Variants in LYPD6B observed in about 807,000 individuals in gnomAD.
The protein encoded by LYPD6B is ly6/PLAUR domain-containing protein 6B.
A neutral mutation model predicts 22.8 loss-of-function variants in LYPD6B; 17 were observed. The observed-to-expected ratio is 0.75, with a 90% confidence interval of 0.51 to 1.12. LYPD6B has a LOEUF of 1.12. Ranked by LOEUF, LYPD6B falls within the 50% of genes most tolerant of loss-of-function variation. The pLI is 0.00. For synonymous variants in LYPD6B, 106 were observed against 91.6 expected (o/e 1.16, Z -0.90); for missense variants, 221 against 258.3 (o/e 0.86, Z 0.99).
At chr2:149,160,667 C>T in intron 2 of LYPD6B, 97 bp from the exon 3 acceptor site, 2 of 853,836 alleles carry the variant, frequency 2.3e-6, no homozygotes, top group Non-Finnish European at 1.9e-6. Flanking sequence ...TCCAAACATC[C>T]AGAAACCTGC....
intron 3 of LYPD6B, among the ~76,000 whole-genome samples, chr2:149,172,967 C>A (rs982531757): frequency 7.0e-6 from 1 of 142,554 alleles, no homozygotes; most frequent in Non-Finnish European, 1.5e-5. Context: ...TAAGCCAATA[C>A]CTTTTAATAA....
intron 5 of LYPD6B, among the ~76,000 whole-genome samples, chr2:149,210,411 A>G (rs1693774442): frequency 6.6e-6 from 1 of 152,172 alleles, no homozygotes; most frequent in Non-Finnish European, 1.5e-5. Context: ...CCAGCATGGC[A>G]TGATAGGACA....
chr2:149,129,594 C>T (rs2105684999), intron 1 of LYPD6B, among the ~76,000 whole-genome samples: 1 of 152,320 alleles, frequency 6.6e-6, no homozygotes, highest in Non-Finnish European at 1.5e-5. Context: ...GGAATGCAGC[C>T]TCAGTTGTGT....
intron 1 of LYPD6B, among the ~76,000 whole-genome samples, chr2:149,105,194 A>G (rs1204185232): frequency 6.6e-6 from 1 of 152,096 alleles, no homozygotes; most frequent in Admixed American, 6.6e-5. Context: ...TCTTGACCCT[A>G]TTCTGTTCCA....
chr2:149,133,928 T>C (rs901650876), intron 2 of LYPD6B, among the ~76,000 whole-genome samples: 3 of 152,064 alleles, frequency 2.0e-5, no homozygotes, highest in Non-Finnish European at 2.9e-5. Flanking sequence ...ATATGTTATA[T>C]TGAGGGGAGA....
At chr2:149,159,589 C>CATGT (rs1035479647) in intron 2 of LYPD6B, among the ~76,000 whole-genome samples, 1 of 145,798 alleles carries the variant, frequency 6.9e-6, no homozygotes, top group Non-Finnish European at 1.5e-5. Context: ...CATATGTGTG[C>CATGT]GTGTGTGTGT....
chr2:149,080,920 GT>G (rs1042432529), intron 1 of LYPD6B, among the ~76,000 whole-genome samples: 2 of 147,262 alleles, frequency 1.4e-5, no homozygotes, highest in Non-Finnish European at 3.0e-5. Flanking sequence ...ACACAGATTT[GT>G]TGTCTGACTG....
At chr2:149,213,167 T>C in intron 6 of LYPD6B, 45 bp downstream of exon 6, 1 of 1,607,054 alleles carries the variant, frequency 6.2e-7, no homozygotes. Context: ...TTCATCCTAG[T>C]AATGTAAGTC....
intron 1 of LYPD6B, among the ~76,000 whole-genome samples, chr2:149,123,851 C>T (rs1317959932): frequency 2.0e-5 from 3 of 152,208 alleles, no homozygotes. Context: ...CAGAGAGAGA[C>T]TTCGTCTCTA....
At chr2:149,051,706 C>T (rs954035855) in intron 1 of LYPD6B, among the ~76,000 whole-genome samples, 1 of 151,982 alleles carries the variant, frequency 6.6e-6, no homozygotes, top group Admixed American at 6.6e-5. Flanking sequence ...CACTCTGTTG[C>T]CGAGACTGAA....
intron 1 of LYPD6B, among the ~76,000 whole-genome samples, chr2:149,079,845 C>T (rs955595155): frequency 3.3e-5 from 5 of 152,170 alleles, no homozygotes; most frequent in East Asian, 1.9e-4. Context: ...AGCAGACCTC[C>T]GGAAAAGGGG....
chr2:149,163,212 G>T (rs1215026136), intron 3 of LYPD6B, among the ~76,000 whole-genome samples: 1 of 152,170 alleles, frequency 6.6e-6, no homozygotes, highest in East Asian at 1.9e-4. Context: ...TTCATAACCT[G>T]AGGAGTTTCA....
At chr2:149,160,900 G>A (rs544094382) in intron 3 of LYPD6B, 65 bp downstream of exon 3, 1,390 of 1,192,226 alleles carry the variant, frequency 1.2e-3, no homozygotes, top group Non-Finnish European at 1.5e-3. Context: ...TAAGTTGTTG[G>A]GAATGGACTC....
intron 3 of LYPD6B, among the ~76,000 whole-genome samples, chr2:149,200,468 A>T (rs189264310): frequency 6.6e-6 from 1 of 152,050 alleles, no homozygotes; most frequent in Non-Finnish European, 1.5e-5. Context: ...GCTCTATTCC[A>T]TAAAGTATCT....
At chr2:149,098,179 G>A (rs1227019076) in intron 1 of LYPD6B, among the ~76,000 whole-genome samples, 3 of 151,802 alleles carry the variant, frequency 2.0e-5, no homozygotes, top group Non-Finnish European at 4.4e-5. Flanking sequence ...AAGTGCCTAT[G>A]TTTATACATT....
chr2:149,104,515 C>T (rs1042816986), intron 1 of LYPD6B, among the ~76,000 whole-genome samples: 1 of 152,152 alleles, frequency 6.6e-6, no homozygotes, highest in Non-Finnish European at 1.5e-5. Flanking sequence ...TGTTATTCAT[C>T]ATTTATATAC....
At chr2:149,131,409 G>T (rs1380357788) in intron 2 of LYPD6B, 1 of 153,828 alleles carries the variant, frequency 6.5e-6, no homozygotes, top group Non-Finnish European at 1.4e-5. Flanking sequence ...AACCTCCTTA[G>T]TTGTACTGGC....
At chr2:149,145,161 G>A (rs1452606702) in intron 2 of LYPD6B, among the ~76,000 whole-genome samples, 1 of 152,134 alleles carries the variant, frequency 6.6e-6, no homozygotes, top group Non-Finnish European at 1.5e-5. Context: ...TACCACTGAT[G>A]GTGGGTTCTG....
intron 3 of LYPD6B, among the ~76,000 whole-genome samples, chr2:149,182,994 C>T (rs1691843605): frequency 6.6e-6 from 1 of 152,070 alleles, no homozygotes. Context: ...AGAAATATAC[C>T]ATTTTTTTTA....
Sources: allele counts gnomAD v4.1 joint callset (sites outside exome capture counted in the v4.1 genomes callset), GRCh38; gene constraint gnomAD v4.1.1; transcripts MANE v1.5; gene names NCBI Gene and HGNC (gene_info 2026-07-23, HGNC 2026-07-21).